The following CPS1 variants were observed in gnomAD, a reference collection of about 807,000 sequenced individuals.
CPS1 encodes carbamoyl-phosphate synthase 1.
CPS1 carries 109 observed loss-of-function variants against 174.6 expected under a neutral mutation model. That is an observed-to-expected ratio of 0.62 (90% CI 0.53 to 0.73). The LOEUF (loss-of-function observed/expected upper bound fraction) is 0.73. Ranked by LOEUF, CPS1 falls within the 30% of genes least tolerant of loss-of-function variation. CPS1 has a pLI of 0.00. For missense variants in CPS1, 1,689 were observed against 1,821.9 expected, an observed-to-expected ratio of 0.93 and a Z score of 1.33; for synonymous variants, 637 against 632.0, an observed-to-expected ratio of 1.01 and a Z score of -0.12.
At position 210,590,091 on chromosome 2, in the gene CPS1, G is replaced by A. The variant is rs1412060232; in HGVS notation, c.712-15G>A. On this transcript the variant is annotated splice_polypyrimidine_tract_variant and intron_variant, in intron 7 of 37. Coordinates refer to ENST00000233072, the MANE Select transcript of CPS1 (RefSeq NM_001875.5). ...ACATGTTATTAAATTCATCATTCTT[G>A]TGTCTCTTTTCCAGCGAGGAGCTGA... 6.2e-7 allele frequency: 1 copy of A among 1,612,362 alleles called. No individual in the cohort carries two copies. The highest frequency in any genetic ancestry group is 1.3e-5 in the African/African-American group (1 of 74,778).
At chr2:210,627,647 C>T (rs999374475) in intron 21 of CPS1, among the ~76,000 whole-genome samples, 8 of 152,174 alleles carry the variant, frequency 5.3e-5, no homozygotes, top group African/African-American at 1.9e-4. Context: ...GGAGTAAATA[C>T]CCGAGAGCAC....
In CPS1 at chr2:210,641,192, G is replaced by C. The variant is rs889334712; in HGVS notation, c.2959+1133G>C. ...GCTGGAATGCAGTGGTATGATCATG[G>C]CTCACTGTAGCCTTGATGTCCCAGG... On this transcript the variant is annotated intron_variant, in intron 24 of 37. Coordinates refer to ENST00000233072, the MANE Select transcript of CPS1 (RefSeq NM_001875.5). Among the ~76,000 whole-genome samples, 8 of 152,154 alleles carry C rather than the reference G, an allele frequency of 5.3e-5. 1 individual carries two copies. Among genetic ancestry groups the C allele is most frequent in the African/African-American group, 1.9e-4 (8 of 41,434 alleles).
chr2:210,670,988 T>C (rs1050934105), intron 34 of CPS1, among the ~76,000 whole-genome samples: 1 of 152,196 alleles, frequency 6.6e-6, no homozygotes, highest in Non-Finnish European at 1.5e-5. Context: ...AAGAAAGGCA[T>C]AACACAGGTT....
intron 31 of CPS1, among the ~76,000 whole-genome samples, chr2:210,660,043 A>G (rs537257082): frequency 3.3e-5 from 5 of 152,282 alleles, no homozygotes; most frequent in African/African-American, 1.2e-4. Flanking sequence ...GTTGAGTGAG[A>G]TGATTTTACT....
chr2:210,659,071 C>T lies in CPS1; in HGVS notation c.3756+383C>T, dbSNP rs533497645. Among the ~76,000 whole-genome samples the T allele has an allele frequency of 1.6e-4, 24 of 152,272 alleles. 1 individual carries two copies. The South Asian group carries it at 4.8e-3, about 30-fold the overall frequency. On this transcript the variant is annotated intron_variant, in intron 31 of 37. Coordinates refer to ENST00000233072, the MANE Select transcript of CPS1 (RefSeq NM_001875.5). The stretch of plus-strand genomic sequence containing the variant: ...CCTTACCCAGAGACGATACCATTTG[C>T]AAAAATGATAAATGAACTAGATTAG...
chr2:210,629,664 C>T (rs1157435808), intron 21 of CPS1, among the ~76,000 whole-genome samples: 3 of 151,874 alleles, frequency 2.0e-5, no homozygotes, highest in Non-Finnish European at 4.4e-5. Context: ...TTTGGTTAGG[C>T]AGTTTCCATT....
At chr2:210,504,170 C>G (rs1464399392) in intron 1 of CPS1, among the ~76,000 whole-genome samples, 1 of 152,074 alleles carries the variant, frequency 6.6e-6, no homozygotes, top group East Asian at 1.9e-4. Context: ...GGGTCACTGC[C>G]TGAAACAGTG....
At chr2:210,521,044 A>G (rs1161668125) in intron 1 of CPS1, among the ~76,000 whole-genome samples, 1 of 152,074 alleles carries the variant, frequency 6.6e-6, no homozygotes, top group Non-Finnish European at 1.5e-5. Context: ...AAGTGGTTGC[A>G]ACATTTTATA....
chr2:210,667,255 C>A (rs1160949776), intron 33 of CPS1, among the ~76,000 whole-genome samples: 1 of 152,130 alleles, frequency 6.6e-6, no homozygotes, highest in Non-Finnish European at 1.5e-5. Flanking sequence ...TCTAGATATA[C>A]AATCATGTCG....
At chr2:210,611,517 A>C (rs147331688) in intron 19 of CPS1, among the ~76,000 whole-genome samples, 1 of 151,836 alleles carries the variant, frequency 6.6e-6, no homozygotes, top group African/African-American at 2.4e-5. Flanking sequence ...GTGTATGATG[A>C]GCTGTAAAGA....
chr2:210,631,607 T>A (rs938000545), intron 21 of CPS1, among the ~76,000 whole-genome samples: 3 of 152,206 alleles, frequency 2.0e-5, no homozygotes, highest in Non-Finnish European at 4.4e-5. Flanking sequence ...CATTTTGTGC[T>A]GCTAAGTAGA....
rs190854509 is a variant in CPS1, at chr2:210,591,609, G to T, written c.948-222G>T. On this transcript the variant is annotated intron_variant, in intron 9 of 37. Coordinates refer to ENST00000233072, the MANE Select transcript of CPS1 (RefSeq NM_001875.5). Reference sequence around the variant, plus strand: ...CTAAAACCGATTATAGAATTTAATAGACCTGCGTATTTAACACACAACAAA... The same window carrying T: ...CTAAAACCGATTATAGAATTTAATATACCTGCGTATTTAACACACAACAAA... 2.6e-5 allele frequency among the ~76,000 whole-genome samples: 4 copies of T among 152,062 alleles called. No homozygotes were observed. The East Asian group carries it at 7.8e-4, about 30-fold the overall frequency.
intron 21 of CPS1, among the ~76,000 whole-genome samples, chr2:210,632,912 CA>C (rs1035439062): frequency 6.6e-5 from 10 of 152,122 alleles, no homozygotes; most frequent in African/African-American, 2.4e-4. Flanking sequence ...ATTTTTAAGA[CA>C]TTTAAAAATA....
At chr2:210,659,510 A>G (rs1470750732) in intron 31 of CPS1, among the ~76,000 whole-genome samples, 1 of 152,138 alleles carries the variant, frequency 6.6e-6, no homozygotes, top group African/African-American at 2.4e-5. Context: ...CTCGGACCCA[A>G]ACACCTCCCA....
At chr2:210,503,067 G>T (rs996872966) in intron 1 of CPS1, among the ~76,000 whole-genome samples, 3 of 152,112 alleles carry the variant, frequency 2.0e-5, no homozygotes, top group African/African-American at 7.2e-5. Context: ...CTTTGCTAAG[G>T]TATCTCCAGC....
intron 1 of CPS1, among the ~76,000 whole-genome samples, chr2:210,513,902 T>C (rs1225778110): frequency 6.6e-6 from 1 of 152,096 alleles, no homozygotes; most frequent in African/African-American, 2.4e-5. Context: ...TTTTTCTGCA[T>C]ATGGCTAGTC....
chr2:210,534,426 A>G (rs1696194782), intron 1 of CPS1, among the ~76,000 whole-genome samples: 1 of 152,182 alleles, frequency 6.6e-6, no homozygotes, highest in African/African-American at 2.4e-5. Context: ...CAACTCCTCA[A>G]AATCATTACT....
intron 1 of CPS1, among the ~76,000 whole-genome samples, chr2:210,497,893 C>CACATATATATATAT (rs1553718833): frequency 1.2e-5 from 1 of 86,940 alleles, no homozygotes; most frequent in Non-Finnish European, 2.3e-5. Context: ...TATATACATA[C>CACATATATATATAT]ATATATATAT....
At chr2:210,511,281 A>C (rs565584663) in intron 1 of CPS1, among the ~76,000 whole-genome samples, 67 of 152,236 alleles carry the variant, frequency 4.4e-4, no homozygotes, top group African/African-American at 1.5e-3. Context: ...CATCGCAAGG[A>C]GAAAAAACCA....
Sources: allele counts gnomAD v4.1 joint callset (sites outside exome capture counted in the v4.1 genomes callset), GRCh38; gene constraint gnomAD v4.1.1; transcripts MANE v1.5; gene names NCBI Gene and HGNC (gene_info 2026-07-23, HGNC 2026-07-21).